The following NEFH variants were observed in gnomAD, a reference collection of about 807,000 sequenced individuals.
NEFH encodes the protein neurofilament heavy chain.
NEFH carries 58 observed loss-of-function variants against 56.6 expected under a neutral mutation model. The ratio of observed to expected loss-of-function variants is 1.03; its 90% CI spans 0.83 to 1.28. The LOEUF (loss-of-function observed/expected upper bound fraction) is 1.28, where lower values mean the gene tolerates loss of function less well. NEFH is among the 50% of genes most tolerant of loss of function. The pLI is 0.00. For synonymous variants in NEFH, 542 were observed against 545.8 expected (o/e 0.99, Z 0.10); for missense variants, 1,221 against 1,307.6 (o/e 0.93, Z 1.02).
Position 29,480,782 on chromosome 22 carries a change from C to A in NEFH, c.520C>A (p.Leu174Met). Residue 174 changes from leucine to methionine, a missense_variant, in exon 1 of 4, where the codon CTG becomes ATG. By Grantham distance (15) the Leu-to-Met change is conservative. Transcript: ENST00000310624. Reference protein sequence around the residue: ...RGQLRLEQEHLLEDIAHVRQR... With the variant: ...RGQLRLEQEHMLEDIAHVRQR... ...TCAGCTACGCCTGGAGCAGGAGCAC[C>A]TGCTCGAGGACATCGCGCACGTGCG... 1.4e-6 allele frequency: 2 copies of A among 1,432,558 alleles called. No homozygotes were observed. The allele number at this position is 1,432,558 out of a possible 1,614,324, so 88.7% of individuals were successfully genotyped here. A position where few individuals can be genotyped will look rare whatever the true frequency, so the allele number is the denominator to read the frequency against.
At position 29,490,845 on chromosome 22, in the gene NEFH, C is replaced by T; in HGVS notation, c.*142C>T. The T allele has an allele frequency of 6.7e-7, 1 of 1,494,898 alleles. No individual in the cohort carries two copies. Among genetic ancestry groups the T allele is most frequent in the Non-Finnish European group, 9.0e-7 (1 of 1,108,644 alleles). 92.6% of individuals were successfully genotyped at this position (1,494,898 alleles called of 1,614,324 possible). ...AGATGACGGGGCCTCCTTCTTCAAA[C>T]AGGAATTTCTGTTAGCAATATGTTA... On this transcript the variant is annotated 3_prime_UTR_variant, in exon 4 of 4. Coordinates refer to ENST00000310624, the MANE Select transcript of NEFH (RefSeq NM_021076.4).
chr22:29,480,888 C>T lies in NEFH; in HGVS notation c.626C>T (p.Ala209Val), dbSNP rs2063002032. ...GCGCTGGCGCGCTTCGCGCAGGAGGCCGAGGCGGCGCGCGTGGACCTGCAG... is the reference window on the plus strand; with the variant it reads ...GCGCTGGCGCGCTTCGCGCAGGAGGTCGAGGCGGCGCGCGTGGACCTGCAG... ...ARALARFAQE[A>V]EAARVDLQKK... Residue 209 changes from alanine (A) to valine (V), a missense_variant, in exon 1 of 4, where the codon GCC becomes GTC. Ala to Val is a moderately conservative substitution (Grantham distance 64). Coordinates refer to ENST00000310624, the MANE Select transcript of NEFH (RefSeq NM_021076.4). 2.8e-6 allele frequency: 4 copies of T among 1,451,782 alleles called. No individual in the cohort carries two copies. The highest frequency in any genetic ancestry group is 1.5e-5 in the African/African-American group (1 of 66,770). 89.9% of individuals were successfully genotyped at this position (1,451,782 alleles called of 1,614,324 possible).
intron 1 of NEFH, 94 bp from the exon 2 acceptor site, chr22:29,483,281 A>G: frequency 7.9e-7 from 1 of 1,270,952 alleles, no homozygotes; most frequent in Non-Finnish European, 1.1e-6. Flanking sequence ...CGTCTCAAAA[A>G]AAAAAAAAAA....
chr22:29,488,531 T>C (rs886441058), intron 3 of NEFH, among the ~76,000 whole-genome samples: 11 of 152,212 alleles, frequency 7.2e-5, no homozygotes, highest in Non-Finnish European at 1.3e-4. Flanking sequence ...GGGCAAAAGT[T>C]GTTTTATTTC....
intron 2 of NEFH, among the ~76,000 whole-genome samples, chr22:29,484,397 T>C (rs556568863): frequency 9.9e-5 from 15 of 152,116 alleles, no homozygotes; most frequent in Middle Eastern, 3.4e-3. Context: ...CCCAGCACTT[T>C]AGGAGGCCAA....
At position 29,481,022 on chromosome 22, in the gene NEFH, C is replaced by G; in HGVS notation, c.760C>G (p.Gln254Glu). The G allele has an allele frequency of 6.5e-7, 1 of 1,531,536 alleles. No homozygotes were observed. The highest frequency in any genetic ancestry group is 8.7e-7 in the Non-Finnish European group (1 of 1,145,308). 94.9% of individuals were successfully genotyped at this position (1,531,536 alleles called of 1,614,324 possible). The stretch of plus-strand genomic sequence containing the variant: ...CCAGGGCTCCGGCGCCGCGCAGGCG[C>G]AGATGCAGGCCGAGACGCGCGACGC... ...QIQGSGAAQA[Q>E]MQAETRDALK... The change falls in exon 1 of 4, where the codon CAG (glutamine) becomes GAG (glutamate). Residue 254 changes from glutamine (Q) to glutamate (E), a missense_variant. Physicochemically the swap from Gln to Glu is conservative, Grantham distance 29. Around this residue, in one of 4 missense-constraint regions of NEFH, gnomAD observed 640 missense variants for 555.5 expected, o/e 1.15. Transcript: ENST00000310624.
Position 29,490,791 on chromosome 22 carries a change from T to C in NEFH, c.*88T>C, listed in dbSNP as rs1327468108. 7.0e-6 allele frequency: 11 copies of C among 1,578,158 alleles called. No individual in the cohort carries two copies. The African/African-American group carries it at 1.5e-4, about 21-fold the overall frequency. ...ATCAGAGTAACACAATTTTCACTTT[T>C]TCTGTCTTTATGTAAGAAGAAACTG... On this transcript the variant is annotated 3_prime_UTR_variant, in exon 4 of 4. Coordinates refer to ENST00000310624, the MANE Select transcript of NEFH (RefSeq NM_021076.4).
At chr22:29,481,490 T>G (rs1444599362) in intron 1 of NEFH, among the ~76,000 whole-genome samples, 1 of 152,082 alleles carries the variant, frequency 6.6e-6, no homozygotes, top group Non-Finnish European at 1.5e-5. Context: ...AAAAAAGTGG[T>G]GCAGGATTCT....
At chr22:29,482,461 G>C (rs2063017563) in intron 1 of NEFH, among the ~76,000 whole-genome samples, 1 of 152,242 alleles carries the variant, frequency 6.6e-6, no homozygotes, top group Non-Finnish European at 1.5e-5. Flanking sequence ...GCTGGCGGGG[G>C]CCGGGGTGTG....
intron 1 of NEFH, 90 bp downstream of exon 1, chr22:29,481,235 C>G (rs1311643367): frequency 1.2e-5 from 16 of 1,316,440 alleles, no homozygotes; most frequent in East Asian, 2.5e-5. Context: ...CGCTGCCGGA[C>G]TGCGCGTGGA....
rs746378708 is a variant in NEFH, at chr22:29,489,106, G to A, written c.1466G>A (p.Gly489Asp). ...KEEEGKEEEG[G>D]EEEEAEGGEE... ...GAGGAGGGCAAGGAGGAAGAAGGGGGTGAAGAAGAGGAGGCAGAAGGGGGA... is the reference window on the plus strand; with the variant it reads ...GAGGAGGGCAAGGAGGAAGAAGGGGATGAAGAAGAGGAGGCAGAAGGGGGA... Residue 489 changes from glycine (G) to aspartate (D), a missense_variant, in exon 4 of 4, where the codon GGT becomes GAT. By Grantham distance (94) the Gly-to-Asp change is moderately conservative. This residue lies in a region of NEFH where 243 missense variants were observed against 299.1 expected (regional missense o/e 0.81). Transcript: ENST00000310624. The A allele has an allele frequency of 5.8e-5, 94 of 1,613,190 alleles. No individual in the cohort carries two copies. Among genetic ancestry groups the A allele is most frequent in the Non-Finnish European group, 7.4e-5 (87 of 1,179,548 alleles).
Position 29,480,226 on chromosome 22 carries a change from TC to T in NEFH, c.-34del, listed in dbSNP as rs1344303104. 1 of 1,491,390 alleles carries T rather than the reference TC, an allele frequency of 6.7e-7. No homozygotes were observed. Among genetic ancestry groups the T allele is most frequent in the Non-Finnish European group, 8.8e-7 (1 of 1,129,962 alleles). 92.4% of individuals were successfully genotyped at this position (1,491,390 alleles called of 1,614,324 possible). On this transcript the variant is annotated 5_prime_UTR_variant, in exon 1 of 4. Coordinates refer to ENST00000310624, the MANE Select transcript of NEFH (RefSeq NM_021076.4). The stretch of plus-strand genomic sequence containing the variant: ...GGCGCCCTGGTGCTGCCGCAGTGCC[TC>T]CCGCCCCGTCCCGGCCTCGCGCACC...
At position 29,485,187 on chromosome 22, in the gene NEFH, C is replaced by T. The variant is rs559654353; in HGVS notation, c.1084-536C>T. Among the ~76,000 whole-genome samples the T allele has an allele frequency of 1.4e-3, 214 of 152,278 alleles. 1 individual carries two copies. The highest frequency in any genetic ancestry group is 3.0e-3 in the Admixed American group (46 of 15,286). On this transcript the variant is annotated intron_variant, in intron 2 of 3. Transcript: ENST00000310624. ...GTATGATCTTGGCTCACTGTAACCT[C>T]CGACTCCTGGGTTCAAGCAATTCTC...
rs2063073816 is a variant in NEFH at position 29,490,365 on chromosome 22, G to A, written c.2725G>A (p.Glu909Lys). ...DKKKVPTPEK[E>K]APAKVEVKED... ...GAAAAAAGTCCCCACCCCAGAGAAG[G>A]AGGCTCCTGCCAAGGTGGAGGTGAA... Residue 909 changes from glutamate (E) to lysine (K), a missense_variant, in exon 4 of 4, where the codon GAG (glutamate) becomes AAG (lysine). By Grantham distance (56) the Glu-to-Lys change is moderately conservative. This residue lies in a region of NEFH where 301 missense variants were observed against 346.6 expected (regional missense o/e 0.87). Transcript: ENST00000310624. 9.9e-6 allele frequency: 16 copies of A among 1,613,398 alleles called. No homozygotes were observed. The highest frequency in any genetic ancestry group is 4.0e-5 in the African/African-American group (3 of 74,880).
chr22:29,480,314 C>T lies in NEFH; in HGVS notation c.52C>T (p.Leu18=). 1 of 1,508,682 alleles carries T rather than the reference C, an allele frequency of 6.6e-7. No individual in the cohort carries two copies. The highest frequency in any genetic ancestry group is 1.2e-5 in the South Asian group (1 of 80,392). The allele number at this position is 1,508,682 out of a possible 1,614,324, so 93.5% of individuals were successfully genotyped here. A position where few individuals can be genotyped will look rare whatever the true frequency, so the allele number is the denominator to read the frequency against. Residue 18 remains leucine, a synonymous_variant, in exon 1 of 4, where the codon CTG becomes TTG. Coordinates refer to ENST00000310624, the MANE Select transcript of NEFH (RefSeq NM_021076.4). ...DALLGAPFAP[L]HGGGSLHYAL... ...GCTGCTGGGCGCCCCGTTCGCGCCG[C>T]TGCATGGCGGCGGCAGCCTCCACTA...
Position 29,491,037 on chromosome 22 carries a change from G to A in NEFH, c.*334G>A, listed in dbSNP as rs2063078817. ...AAATAAGTGCATTTATTGCCTCTAT[G>A]TGCAACTGACAGATGACCGCAATAA... On this transcript the variant is annotated 3_prime_UTR_variant, in exon 4 of 4. Coordinates refer to ENST00000310624, the MANE Select transcript of NEFH (RefSeq NM_021076.4). 2.4e-6 allele frequency: 1 copy of A among 418,046 alleles called. No homozygotes were observed. The highest frequency in any genetic ancestry group is 4.5e-6 in the Non-Finnish European group (1 of 223,556). The allele number at this position is 418,046 out of a possible 1,614,324, so 25.9% of individuals were successfully genotyped here. A position where few individuals can be genotyped will look rare whatever the true frequency, so the allele number is the denominator to read the frequency against.
chr22:29,480,348 C>T lies in NEFH; in HGVS notation c.86C>T (p.Ala29Val). 2 of 1,533,640 alleles carry T rather than the reference C, an allele frequency of 1.3e-6. No homozygotes were observed. Among genetic ancestry groups the T allele is most frequent in the Non-Finnish European group, 1.7e-6 (2 of 1,147,996 alleles). ...GGCGGCAGCCTCCACTACGCGCTAG[C>T]CCGAAAGGGTGGCGCAGGCGGGACG... ...HGGGSLHYAL[A>V]RKGGAGGTRS... Residue 29 changes from alanine (A) to valine (V), a missense_variant, in exon 1 of 4, where the codon GCC becomes GTC. By Grantham distance (64) the Ala-to-Val change is moderately conservative. Around this residue, in one of 4 missense-constraint regions of NEFH, gnomAD observed 640 missense variants for 555.5 expected, o/e 1.15. Transcript: ENST00000310624.
rs765594739 is a variant in NEFH at position 29,480,346 on chromosome 22, A to G, written c.84A>G (p.Leu28=). 39 of 1,531,166 alleles carry G rather than the reference A, an allele frequency of 2.5e-5. No homozygotes were observed. Among genetic ancestry groups the G allele is most frequent in the Non-Finnish European group, 3.4e-5 (39 of 1,147,092 alleles). The allele number at this position is 1,531,166 out of a possible 1,614,324, so 94.8% of individuals were successfully genotyped here. A position where few individuals can be genotyped will look rare whatever the true frequency, so the allele number is the denominator to read the frequency against. The change falls in exon 1 of 4, where the codon CTA becomes CTG. Residue 28 remains leucine, a synonymous_variant. Coordinates refer to ENST00000310624, the MANE Select transcript of NEFH (RefSeq NM_021076.4). ...GCGGCGGCAGCCTCCACTACGCGCT[A>G]GCCCGAAAGGGTGGCGCAGGCGGGA... The part of the protein sequence containing the change: ...LHGGGSLHYA[L]ARKGGAGGTR...
Position 29,480,698 on chromosome 22 carries a change from T to TACGA in NEFH, c.437_440dup (p.Glu149AlafsTer132). ...GGGCCGCTCCGCTATGGGCGAGCTG[T>TACGA]ACGAGCGCGAGGTCCGCGAGATGCG... On this transcript the variant is annotated frameshift_variant, in exon 1 of 4. Transcript: ENST00000310624. LOFTEE classifies it high-confidence loss of function. 6.5e-7 allele frequency: 1 copy of TACGA among 1,531,210 alleles called. No homozygotes were observed. Among genetic ancestry groups the TACGA allele is most frequent in the South Asian group, 1.2e-5 (1 of 83,488 alleles). 94.9% of individuals were successfully genotyped at this position (1,531,210 alleles called of 1,614,324 possible).
Sources: gnomAD v4.1 joint callset for allele counts (sites outside exome capture counted in the v4.1 genomes callset) on GRCh38, gnomAD v4.1.1 for gene constraint, gnomAD v4.1.1 regional missense constraint, MANE v1.5 for transcripts, NCBI Gene and HGNC (gene_info 2026-07-23, HGNC 2026-07-21) for gene names.